The following RCOR3 variants were observed in gnomAD, a reference collection of about 807,000 sequenced individuals.
The protein encoded by RCOR3 is REST corepressor 3.
A neutral mutation model predicts 64.1 loss-of-function variants in RCOR3; 13 were observed. The observed-to-expected ratio is 0.20, with a 90% CI of 0.13 to 0.32. The LOEUF is 0.32. Ranked by LOEUF, RCOR3 falls within the 10% of genes least tolerant of loss-of-function variation. The pLI is 1.00. For missense variants in RCOR3, 489 were observed against 701.2 expected, an observed-to-expected ratio of 0.70 and a Z score of 3.42; for synonymous variants, 215 against 239.0, an observed-to-expected ratio of 0.90 and a Z score of 0.93.
Position 211,312,655 on chromosome 1 carries a change from A to ATG in RCOR3, c.1076-63_1076-62dup, listed in dbSNP as rs1701615027. 3 of 1,080,312 alleles carry ATG rather than the reference A, an allele frequency of 2.8e-6. No homozygotes were observed. The highest frequency in any genetic ancestry group is 4.2e-6 in the Non-Finnish European group (3 of 709,812). The allele number at this position is 1,080,312 out of a possible 1,614,324, so 66.9% of individuals were successfully genotyped here. The stretch of plus-strand genomic sequence containing the variant: ...TGCTGGTATCTTTTGTGTGTGCATG[A>ATG]TGTATAGTACACACAGCTCTCCTTA... On this transcript the variant is annotated intron_variant, in intron 10 of 11. Transcript: ENST00000419091. This position sits in a 1 kb window ranked among gnomAD's most constrained non-coding sequence, Gnocchi z 5.0.
chr1:211,298,749 G>C (rs1350071010), intron 9 of RCOR3, among the ~76,000 whole-genome samples: 1 of 152,154 alleles, frequency 6.6e-6, no homozygotes, highest in Non-Finnish European at 1.5e-5. Flanking sequence ...GCTCATGCCT[G>C]TAATCCCAGT....
At chr1:211,263,170 A>G (rs919457241) in intron 2 of RCOR3, among the ~76,000 whole-genome samples, 6 of 151,476 alleles carry the variant, frequency 4.0e-5, no homozygotes, top group Middle Eastern at 3.4e-3. Context: ...ATGATTTCCA[A>G]TTTCATCCAC....
intron 5 of RCOR3, among the ~76,000 whole-genome samples, chr1:211,277,698 G>T (rs572449729): frequency 6.6e-6 from 1 of 152,112 alleles, no homozygotes; most frequent in African/African-American, 2.4e-5. Flanking sequence ...AATGGGTACC[G>T]GATTTCTTTT....
intron 2 of RCOR3, among the ~76,000 whole-genome samples, chr1:211,266,313 T>C (rs867867742): frequency 6.6e-6 from 1 of 152,162 alleles, no homozygotes; most frequent in African/African-American, 2.4e-5. Flanking sequence ...AAAGTCCTTA[T>C]TTTTAATGTC....
Position 211,264,173 on chromosome 1 carries a change from C to T in RCOR3, c.223+4009C>T, listed in dbSNP as rs552776499. Among the ~76,000 whole-genome samples, 12 of 152,284 alleles carry T rather than the reference C, an allele frequency of 7.9e-5. No homozygotes were observed. The East Asian group carries it at 1.5e-3, about 20-fold the overall frequency. On this transcript the variant is annotated intron_variant, in intron 2 of 11. Transcript: ENST00000419091. The stretch of plus-strand genomic sequence containing the variant: ...ATTGAGAAATGGTTAGCTCCTCTCT[C>T]TTCTCTTTCTCATTATCTTTGTTTC...
chr1:211,313,412 C>T lies in RCOR3; in HGVS notation c.1318-12C>T, dbSNP rs1397055686. Reference sequence around the variant, plus strand: ...ACATCTCATACGTGTATTTTTGTTTCCTCACCTCTAGGCACAGACCCCACA... The same window carrying T: ...ACATCTCATACGTGTATTTTTGTTTTCTCACCTCTAGGCACAGACCCCACA... On this transcript the variant is annotated splice_polypyrimidine_tract_variant and intron_variant, in intron 11 of 11. Coordinates refer to ENST00000419091, the MANE Select transcript of RCOR3 (RefSeq NM_001136223.3). This position sits in a 1 kb window ranked among gnomAD's most constrained non-coding sequence, Gnocchi z 4.7. 8.1e-6 allele frequency: 13 copies of T among 1,601,614 alleles called. No homozygotes were observed. The highest frequency in any genetic ancestry group is 1.0e-5 in the Non-Finnish European group (12 of 1,172,592).
chr1:211,263,364 T>C (rs1345374073), intron 2 of RCOR3, among the ~76,000 whole-genome samples: 1 of 152,130 alleles, frequency 6.6e-6, no homozygotes, highest in Non-Finnish European at 1.5e-5. Context: ...CTAAATAGAA[T>C]ATTTGAGGAG....
In RCOR3 at chr1:211,313,372, A is replaced by C. The variant is rs1016838194; in HGVS notation, c.1318-52A>C. On this transcript the variant is annotated intron_variant, in intron 11 of 11. Transcript: ENST00000419091. This position sits in a 1 kb window ranked among gnomAD's most constrained non-coding sequence, Gnocchi z 4.7. ...TGACAGCCCAAACTATATTGTATTA[A>C]GTTCATTAGGACTTACATCTCATAC... 23 of 1,558,392 alleles carry C rather than the reference A, an allele frequency of 1.5e-5. No individual in the cohort carries two copies. Among genetic ancestry groups the C allele is most frequent in the Non-Finnish European group, 1.8e-5 (21 of 1,152,508 alleles).
intron 7 of RCOR3, among the ~76,000 whole-genome samples, chr1:211,283,791 G>A (rs915639219): frequency 6.7e-6 from 1 of 150,298 alleles, no homozygotes; most frequent in Non-Finnish European, 1.5e-5. Context: ...TTGCAGACGT[G>A]AGCCAGCATG....
chr1:211,312,909 CA>C lies in RCOR3; in HGVS notation c.1270del (p.Ser424ValfsTer46). 1 of 1,614,036 alleles carries C rather than the reference CA, an allele frequency of 6.2e-7. No individual in the cohort carries two copies. Among genetic ancestry groups the C allele is most frequent in the Non-Finnish European group, 8.5e-7 (1 of 1,180,008 alleles). ...NGDASTLGEETKSASNVPSGK... is the reference protein window; with the variant it reads ...NGDASTLGEEXKSASNVPSGK... ...GATGCTTCTACTTTAGGGGAGGAGA[CA>C]AAAAGTGCTTCTAATGTGCCATCAG... On this transcript the variant is annotated frameshift_variant, in exon 11 of 12. Coordinates refer to ENST00000419091, the MANE Select transcript of RCOR3 (RefSeq NM_001136223.3). LOFTEE classifies it high-confidence loss of function. This position sits in a 1 kb window ranked among gnomAD's most constrained non-coding sequence, Gnocchi z 5.0.
At chr1:211,259,951 CG>C in intron 1 of RCOR3, 156 bp from the exon 2 acceptor site, 1 of 1,343,994 alleles carries the variant, frequency 7.4e-7, no homozygotes, top group Non-Finnish European at 9.6e-7. Context: ...GCCCCCAATC[CG>C]CTGCCATCTC....
Position 211,262,938 on chromosome 1 carries a change from T to A in RCOR3, c.223+2774T>A, listed in dbSNP as rs184774180. On this transcript the variant is annotated intron_variant, in intron 2 of 11. Coordinates refer to ENST00000419091, the MANE Select transcript of RCOR3 (RefSeq NM_001136223.3). ...GCACAATGTGCAGGTTAGTTACATA[T>A]GTATACATGTGCCATGCTGGTGTGC... Among the ~76,000 whole-genome samples, 1,056 of 151,372 alleles carry A rather than the reference T, an allele frequency of 7.0e-3. 29 individuals carry two copies. The East Asian group carries it at 0.083, about 12-fold the overall frequency.
intron 10 of RCOR3, among the ~76,000 whole-genome samples, chr1:211,311,046 G>A (rs1424373946): frequency 6.6e-6 from 1 of 152,122 alleles, no homozygotes; most frequent in Non-Finnish European, 1.5e-5. Context: ...CCTTATAAGA[G>A]TTGCTATTTT....
At chr1:211,308,700 GTGTAGTCCAAAATCAAT>G (rs1701177181) in intron 10 of RCOR3, among the ~76,000 whole-genome samples, 1 of 27,514 alleles carries the variant, frequency 3.6e-5, no homozygotes, top group Admixed American at 4.3e-4. Context: ...TTTTTTTTTT[GTGTAGTCCAAAATCAAT>G]TTTTTTTTTT....
At position 211,278,259 on chromosome 1, in the gene RCOR3, A is replaced by G. The variant is rs375675130; in HGVS notation, c.641+18A>G. 29 of 1,612,876 alleles carry G rather than the reference A, an allele frequency of 1.8e-5. No homozygotes were observed. Among genetic ancestry groups the G allele is most frequent in the Non-Finnish European group, 2.4e-5 (28 of 1,179,364 alleles). ...GGTGACAGGTAGGTTGGTTACCTTCATATAGTTACATTGTTAGGGACACTG... is the reference window on the plus strand; with the variant it reads ...GGTGACAGGTAGGTTGGTTACCTTCGTATAGTTACATTGTTAGGGACACTG... On this transcript the variant is annotated intron_variant, in intron 6 of 11. Coordinates refer to ENST00000419091, the MANE Select transcript of RCOR3 (RefSeq NM_001136223.3).
chr1:211,260,263 C>G, intron 2 of RCOR3, 99 bp downstream of exon 2: 9 of 976,570 alleles, frequency 9.2e-6, no homozygotes, highest in Admixed American at 2.0e-5. Context: ...GGAGGGGATG[C>G]GGGGTTGGGC....
Position 211,289,088 on chromosome 1 carries a change from G to T in RCOR3, c.721-90G>T, listed in dbSNP as rs114800707. 7,007 of 949,914 alleles carry T rather than the reference G, an allele frequency of 7.4e-3. 297 individuals are homozygous for T. In the African/African-American group the frequency reaches 0.096, roughly 13 times the overall value. 58.8% of individuals were successfully genotyped at this position (949,914 alleles called of 1,614,324 possible). On this transcript the variant is annotated intron_variant, in intron 7 of 11. Transcript: ENST00000419091. ...AAGTGTTTTTTTATGTGTACTTATTGCAGCAGATACTTCTAATATTAATAG... is the reference window on the plus strand; with the variant it reads ...AAGTGTTTTTTTATGTGTACTTATTTCAGCAGATACTTCTAATATTAATAG...
At chr1:211,279,737 TC>T (rs2102516391) in intron 7 of RCOR3, among the ~76,000 whole-genome samples, 1 of 152,292 alleles carries the variant, frequency 6.6e-6, no homozygotes, top group East Asian at 1.9e-4. Context: ...CTTCATTTTC[TC>T]CCCCAAGTCT....
At chr1:211,305,869 G>A (rs891289565) in intron 10 of RCOR3, among the ~76,000 whole-genome samples, 2 of 152,108 alleles carry the variant, frequency 1.3e-5, no homozygotes, top group African/African-American at 4.8e-5. Flanking sequence ...AAAAGGAGTA[G>A]TCATATATAT....
Sources: gnomAD v4.1 joint callset for allele counts (sites outside exome capture counted in the v4.1 genomes callset) on GRCh38, gnomAD v4.1.1 for gene constraint, Gnocchi (gnomAD v3.1) non-coding constraint, MANE v1.5 for transcripts, NCBI Gene and HGNC (gene_info 2026-07-23, HGNC 2026-07-21) for gene names.